POC1B: variants seen among roughly 807,000 people sequenced by gnomAD.
The protein encoded by POC1B is POC1 centriolar protein homolog B.
In POC1B, 44 loss-of-function variants were observed where a neutral mutation model predicts 60.6. The ratio of observed to expected loss-of-function variants is 0.73; its 90% CI spans 0.57 to 0.93. POC1B has a LOEUF of 0.93. Ranked by LOEUF, POC1B falls within the 40% of genes least tolerant of loss-of-function variation. The pLI is 0.00. For missense variants in POC1B, 555 were observed against 572.3 expected (o/e 0.97, Z 0.31); for synonymous variants, 180 against 198.9 (o/e 0.90, Z 0.80).
intron 10 of POC1B, among the ~76,000 whole-genome samples, chr12:89,453,194 T>A (rs780960510): frequency 6.6e-6 from 1 of 152,250 alleles, no homozygotes; most frequent in Non-Finnish European, 1.5e-5. Flanking sequence ...GGAATGTTTT[T>A]AAATTGTTTC....
At chr12:89,480,750 G>A (rs867947331) in intron 4 of POC1B, among the ~76,000 whole-genome samples, 25 of 152,046 alleles carry the variant, frequency 1.6e-4, no homozygotes, top group Admixed American at 5.2e-4. Context: ...ACAGGCGCCC[G>A]CCACCTCACC....
At chr12:89,487,934 A>G (rs1868726917) in intron 4 of POC1B, among the ~76,000 whole-genome samples, 1 of 71,444 alleles carries the variant, frequency 1.4e-5, no homozygotes, top group East Asian at 4.1e-4. Context: ...CCATTTTATA[A>G]CTATTTAGTA....
At chr12:89,410,785 A>T in the POC1B span, among the ~76,000 whole-genome samples, 1 of 152,210 alleles carries the variant, frequency 6.6e-6, no homozygotes, top group Non-Finnish European at 1.5e-5. Context: ...ATCAGTCAAG[A>T]GAAGGAAATA....
intron 2 of POC1B, among the ~76,000 whole-genome samples, chr12:89,514,398 A>ATTTTTTTTT (rs1592641848): frequency 1.6e-4 from 6 of 37,864 alleles, no homozygotes; most frequent in South Asian, 1.1e-3. Context: ...AGTTTCATGT[A>ATTTTTTTTT]TTTCTTTTTT....
intron 10 of POC1B, chr12:89,429,459 G>A (rs1269525249): frequency 6.6e-6 from 1 of 152,146 alleles, no homozygotes; most frequent in African/African-American, 2.4e-5. Context: ...GGAAAAACAT[G>A]GTGTTTAAGA....
chr12:89,431,839 C>T (rs192722883), intron 10 of POC1B, among the ~76,000 whole-genome samples: 1 of 152,280 alleles, frequency 6.6e-6, no homozygotes, highest in East Asian at 1.9e-4. Context: ...AAGTCCAAAA[C>T]AGGATTAACG....
chr12:89,514,723 T>C lies in POC1B; in HGVS notation c.100+10397A>G, dbSNP rs116208071. ...GCGCCCGGCCTCAGGTATTTCTTTA[T>C]TGCAGTAGGAGAACAGACTAATATA... On this transcript the variant is annotated intron_variant, in intron 2 of 11. Transcript: ENST00000313546. 2.3e-3 allele frequency among the ~76,000 whole-genome samples: 357 copies of C among 152,050 alleles called. 1 individual carries two copies. The highest frequency in any genetic ancestry group is 8.1e-3 in the African/African-American group (335 of 41,466).
chr12:89,508,092 T>G (rs1305617973), intron 2 of POC1B, among the ~76,000 whole-genome samples: 1 of 152,252 alleles, frequency 6.6e-6, no homozygotes, highest in Admixed American at 6.5e-5. Flanking sequence ...GCATTACTAA[T>G]TTCTGGGGAA....
Position 89,470,152 on chromosome 12 carries a change from G to A in POC1B, c.810+209C>T, listed in dbSNP as rs572952342. Among the ~76,000 whole-genome samples the A allele has an allele frequency of 1.4e-3, 211 of 152,250 alleles. 1 individual carries two copies. The highest frequency in any genetic ancestry group is 4.8e-3 in the African/African-American group (200 of 41,552). ...CTCCCAAAGTGTTGGGATTACAGGC[G>A]TGAGCCACCACGCCCAGCCACAAAT... On this transcript the variant is annotated intron_variant, in intron 7 of 11. Transcript: ENST00000313546.
chr12:89,446,773 AAATT>A (rs1413227367), intron 10 of POC1B, among the ~76,000 whole-genome samples: 1 of 152,154 alleles, frequency 6.6e-6, no homozygotes, highest in Non-Finnish European at 1.5e-5. Flanking sequence ...AAGATTATAT[AAATT>A]AATTGCTGGA....
chr12:89,444,604 C>A (rs1335047376), intron 10 of POC1B, among the ~76,000 whole-genome samples: 1 of 152,176 alleles, frequency 6.6e-6, no homozygotes, highest in Non-Finnish European at 1.5e-5. Context: ...TGGGACATAT[C>A]TCAAAATAAT....
At position 89,525,950 on chromosome 12, in the gene POC1B, G is replaced by A. The variant is rs1871456984; in HGVS notation, c.-55C>T. 2.6e-6 allele frequency: 4 copies of A among 1,540,482 alleles called. No homozygotes were observed. The highest frequency in any genetic ancestry group is 2.5e-5 in the East Asian group (1 of 40,446). Reference sequence around the variant, plus strand: ...GGGTGGGGGAACCCGGAGAGGGGAGGGGAGAGGATGGGGAAGGAGAGGGGA... The same window carrying A: ...GGGTGGGGGAACCCGGAGAGGGGAGAGGAGAGGATGGGGAAGGAGAGGGGA... On this transcript the variant is annotated 5_prime_UTR_variant, in exon 1 of 12. Coordinates refer to ENST00000313546, the MANE Select transcript of POC1B (RefSeq NM_172240.3).
Position 89,470,445 on chromosome 12 carries a change from A to C in POC1B, c.726T>G (p.Tyr242Ter), listed in dbSNP as rs1882845697. The C allele has an allele frequency of 6.2e-7, 1 of 1,608,108 alleles. No homozygotes were observed. Among genetic ancestry groups the C allele is most frequent in the East Asian group, 2.2e-5 (1 of 44,818 alleles). Reference sequence around the variant, plus strand: ...TACCATCTGAAGAAGCTGTGATGAGATAGTTACCCGAAGGATGGAATGATA... The same window carrying C: ...TACCATCTGAAGAAGCTGTGATGAGCTAGTTACCCGAAGGATGGAATGATA... ...NCISFHPSGN[Y>*]LITASSDGTL... The change falls in exon 7 of 12, where the codon TAT (tyrosine) becomes TAG (stop). Residue 242 changes from tyrosine to a stop codon, truncating the protein, a stop_gained. Transcript: ENST00000313546. LOFTEE classifies it high-confidence loss of function.
chr12:89,474,827 G>A (rs1157751237), intron 4 of POC1B, among the ~76,000 whole-genome samples: 1 of 152,200 alleles, frequency 6.6e-6, no homozygotes, highest in African/African-American at 2.4e-5. Context: ...GGAACCACGA[G>A]GCAGTGCTGT....
At chr12:89,439,931 C>T (rs1382888736) in intron 10 of POC1B, among the ~76,000 whole-genome samples, 1 of 152,110 alleles carries the variant, frequency 6.6e-6, no homozygotes, top group African/African-American at 2.4e-5. Context: ...TAGATCTCAG[C>T]TCAAATACCT....
At chr12:89,415,686 A>T (rs1303002083), downstream of POC1B, among the ~76,000 whole-genome samples, 2 of 152,118 alleles carry the variant, frequency 1.3e-5, no homozygotes, top group Non-Finnish European at 2.9e-5. Context: ...AACAATAGCT[A>T]CCATTTATTG....
At chr12:89,461,315 C>T (rs1882474122) in intron 9 of POC1B, 1 of 151,952 alleles carries the variant, frequency 6.6e-6, no homozygotes. Flanking sequence ...ATCTAGAAAA[C>T]AAAAACAGAG....
At chr12:89,495,639 A>G (rs1334286722) in intron 3 of POC1B, among the ~76,000 whole-genome samples, 1 of 152,120 alleles carries the variant, frequency 6.6e-6, no homozygotes, top group Non-Finnish European at 1.5e-5. Context: ...TCTTTTTGGC[A>G]CCAGAGACCA....
Position 89,492,048 on chromosome 12 carries a change from C to T in POC1B, c.340G>A (p.Gly114Ser). ...TCAGAAGCTGTAGCTAGAAACTGGC[C>T]ATCAGCTGAAAAGTCTACACTTCGA... ...PVRSVDFSAD[G>S]QFLATASEDK... The change falls in exon 4 of 12, where the codon GGC (glycine) becomes AGC (serine). Residue 114 changes from glycine (G) to serine (S), a missense_variant. Gly to Ser is a moderately conservative substitution (Grantham distance 56, BLOSUM62 0). Coordinates refer to ENST00000313546, the MANE Select transcript of POC1B (RefSeq NM_172240.3). 1 of 1,609,282 alleles carries T rather than the reference C, an allele frequency of 6.2e-7. No homozygotes were observed. The highest frequency in any genetic ancestry group is 1.3e-5 in the African/African-American group (1 of 74,784).
Sources: allele counts gnomAD v4.1 joint callset (sites outside exome capture counted in the v4.1 genomes callset), GRCh38; gene constraint gnomAD v4.1.1; transcripts MANE v1.5; gene names NCBI Gene and HGNC (gene_info 2026-07-23, HGNC 2026-07-21).